NDUFB7: variants seen among roughly 807,000 people sequenced by gnomAD.
The protein encoded by NDUFB7 is NADH:ubiquinone oxidoreductase subunit B7.
NDUFB7 carries 18 observed loss-of-function variants against 14.7 expected under a neutral mutation model. The ratio of observed to expected loss-of-function variants is 1.22; its 90% CI spans 0.85 to 1.81. The LOEUF (loss-of-function observed/expected upper bound fraction) is 1.81, where lower values mean the gene tolerates loss of function less well. Ranked by LOEUF, NDUFB7 falls within the 40% of genes most tolerant of loss-of-function variation. The pLI, the probability that NDUFB7 is intolerant of heterozygous loss-of-function variation, is 0.00. For missense variants in NDUFB7, 219 were observed against 195.0 expected, an observed-to-expected ratio of 1.12 and a Z score of -0.73; for synonymous variants, 86 against 76.1, an observed-to-expected ratio of 1.13 and a Z score of -0.68.
At chr19:14,570,446 C>A (rs1222397889) in intron 1 of NDUFB7, among the ~76,000 whole-genome samples, 1 of 151,368 alleles carries the variant, frequency 6.6e-6, no homozygotes, top group Non-Finnish European at 1.5e-5. Flanking sequence ...GTGATCTGCC[C>A]GCCTCGGCCT....
At chr19:14,571,812 G>C in intron 1 of NDUFB7, 77 bp downstream of exon 1, 1 of 1,354,228 alleles carries the variant, frequency 7.4e-7, no homozygotes, top group Non-Finnish European at 1.0e-6. Context: ...CAGCCCTGGG[G>C]TGCCAGCCCT....
rs932256731 is a variant in NDUFB7, at chr19:14,566,341, G to A, written c.282-76C>T. On this transcript the variant is annotated intron_variant, in intron 2 of 2. Transcript: ENST00000215565. ...CCCCCAAGCCCTGGGAAGCGGAGGG[G>A]CCGTCCCAGAGCACTGTGGGGGAGG... The A allele has an allele frequency of 1.2e-4, 194 of 1,601,494 alleles. No homozygotes were observed. The African/African-American group carries it at 2.4e-3, about 19-fold the overall frequency.
intron 2 of NDUFB7, 120 bp from the exon 3 acceptor site, chr19:14,566,385 C>A: frequency 6.7e-7 from 1 of 1,499,962 alleles, no homozygotes; most frequent in South Asian, 1.2e-5. Flanking sequence ...GAAGACATGT[C>A]CGAGTGCCTG....
At chr19:14,571,603 A>C (rs200330926) in intron 1 of NDUFB7, among the ~76,000 whole-genome samples, 2 of 46,450 alleles carry the variant, frequency 4.3e-5, no homozygotes, top group Non-Finnish European at 9.2e-5. Flanking sequence ...GTCTCAAAAG[A>C]AAAAAAAAAA....
At position 14,569,292 on chromosome 19, in the gene NDUFB7, C is replaced by T. The variant is rs1037421218; in HGVS notation, c.113-2359G>A. On this transcript the variant is annotated intron_variant, in intron 1 of 2. Coordinates refer to ENST00000215565, the MANE Select transcript of NDUFB7 (RefSeq NM_004146.6). ...CCGGTCAGCAGGGACTGCAGGAATG[C>T]GCCACCACACCCAGCTAATTAAAAA... Among the ~76,000 whole-genome samples the T allele has an allele frequency of 5.3e-5, 8 of 151,912 alleles. No individual in the cohort carries two copies. In the South Asian group the frequency reaches 1.7e-3, roughly 32 times the overall value.
chr19:14,571,276 C>G (rs2074123631), intron 1 of NDUFB7, among the ~76,000 whole-genome samples: 1 of 152,186 alleles, frequency 6.6e-6, no homozygotes, highest in Non-Finnish European at 1.5e-5. Flanking sequence ...TGTCCCTGCC[C>G]TCCCATGACT....
intron 1 of NDUFB7, among the ~76,000 whole-genome samples, chr19:14,570,886 T>G (rs1404025813): frequency 2.0e-5 from 3 of 152,074 alleles, no homozygotes; most frequent in Non-Finnish European, 1.5e-5. Flanking sequence ...ATCCTGGGCG[T>G]AGTGGCTCAC....
intron 1 of NDUFB7, among the ~76,000 whole-genome samples, chr19:14,570,176 C>A (rs1010676454): frequency 1.3e-5 from 2 of 150,440 alleles, no homozygotes; most frequent in African/African-American, 4.9e-5. Flanking sequence ...GGATTACAGG[C>A]ATAAGCCACC....
At chr19:14,569,296 A>G in intron 1 of NDUFB7, among the ~76,000 whole-genome samples, 1 of 152,248 alleles carries the variant, frequency 6.6e-6, no homozygotes, top group South Asian at 2.1e-4. Flanking sequence ...GGAATGCGCC[A>G]CCACACCCAG....
At chr19:14,568,276 C>T (rs2074105039) in intron 1 of NDUFB7, among the ~76,000 whole-genome samples, 1 of 152,194 alleles carries the variant, frequency 6.6e-6, no homozygotes, top group Non-Finnish European at 1.5e-5. Context: ...AACTCCTGAC[C>T]TCAGGTGATC....
At chr19:14,568,411 C>T (rs975735262) in intron 1 of NDUFB7, among the ~76,000 whole-genome samples, 1 of 152,186 alleles carries the variant, frequency 6.6e-6, no homozygotes, top group African/African-American at 2.4e-5. Context: ...CCACCCCACA[C>T]CTCGCTTGAG....
Position 14,566,864 on chromosome 19 carries a change from TG to T in NDUFB7, c.181del (p.His61ThrfsTer36). On this transcript the variant is annotated frameshift_variant, in exon 2 of 3. Coordinates refer to ENST00000215565, the MANE Select transcript of NDUFB7 (RefSeq NM_004146.6). LOFTEE classifies it high-confidence loss of function. Reference protein sequence around the residue: ...LRLQLRDYCAHHLIRLLKCKR... With the variant: ...LRLQLRDYCAXHLIRLLKCKR... Reference sequence around the variant, plus strand: ...GCACTTGAGCAGCCGGATGAGGTGGTGGGCGCAGTAGTCCCGCAGCTGGAGC... The same window carrying T: ...GCACTTGAGCAGCCGGATGAGGTGGTGGCGCAGTAGTCCCGCAGCTGGAGC... 1 of 1,572,378 alleles carries T rather than the reference TG, an allele frequency of 6.4e-7. No homozygotes were observed. Among genetic ancestry groups the T allele is most frequent in the Non-Finnish European group, 8.6e-7 (1 of 1,161,506 alleles).
intron 1 of NDUFB7, among the ~76,000 whole-genome samples, chr19:14,570,071 TAGTAG>T (rs2074116491): frequency 1.3e-5 from 2 of 152,014 alleles, no homozygotes; most frequent in Admixed American, 6.6e-5. Flanking sequence ...TTTGTATTTT[TAGTAG>T]AGTAGAGACG....
In NDUFB7 at chr19:14,566,842, C is replaced by T. The variant is rs769258459; in HGVS notation, c.204G>A (p.Lys68=). The part of the protein sequence containing the change: ...YCAHHLIRLL[K]CKRDSFPNFL... ...AGTTGGGGAAGCTGTCACGCTTGCA[C>T]TTGAGCAGCCGGATGAGGTGGTGGG... Residue 68 remains lysine (K), a synonymous_variant, in exon 2 of 3, where the codon AAG becomes AAA. Coordinates refer to ENST00000215565, the MANE Select transcript of NDUFB7 (RefSeq NM_004146.6). 250 of 1,561,976 alleles carry T rather than the reference C, an allele frequency of 1.6e-4. 5 individuals carry two copies. The South Asian group carries it at 2.9e-3, about 18-fold the overall frequency.
Position 14,567,306 on chromosome 19 carries a change from C to T in NDUFB7, c.113-373G>A, listed in dbSNP as rs944352262. Among the ~76,000 whole-genome samples, 1 of 152,066 alleles carries T rather than the reference C, an allele frequency of 6.6e-6. No individual in the cohort carries two copies. The highest frequency in any genetic ancestry group is 2.4e-5 in the African/African-American group (1 of 41,400). ...AGAATCCACCTTCTCCCAGAGTAAC[C>T]CTCAGCCCCTCCACCTGCACCTGGG... On this transcript the variant is annotated intron_variant, in intron 1 of 2. Coordinates refer to ENST00000215565, the MANE Select transcript of NDUFB7 (RefSeq NM_004146.6). The surrounding 1 kb of genome is among the most constrained non-coding windows in gnomAD (Gnocchi z 5.1).
chr19:14,566,339 G>A, intron 2 of NDUFB7, 74 bp from the exon 3 acceptor site: 1 of 1,603,612 alleles, frequency 6.2e-7, no homozygotes, highest in Non-Finnish European at 8.5e-7. Flanking sequence ...GGAAGCGGAG[G>A]GGCCGTCCCA....
Position 14,566,688 on chromosome 19 carries a change from T to C in NDUFB7, c.281+77A>G, listed in dbSNP as rs575601118. Reference sequence around the variant, plus strand: ...GGGCTGGGCATGTGGGGGGCTTGGGTGGGCCAGGGGTGTGGAAGGCTGGGG... The same window carrying C: ...GGGCTGGGCATGTGGGGGGCTTGGGCGGGCCAGGGGTGTGGAAGGCTGGGG... On this transcript the variant is annotated intron_variant, in intron 2 of 2. Coordinates refer to ENST00000215565, the MANE Select transcript of NDUFB7 (RefSeq NM_004146.6). 65 of 926,740 alleles carry C rather than the reference T, an allele frequency of 7.0e-5. No individual in the cohort carries two copies. The African/African-American group carries it at 1.9e-3, about 27-fold the overall frequency. 57.4% of individuals were successfully genotyped at this position (926,740 alleles called of 1,614,324 possible). A position where few individuals can be genotyped will look rare whatever the true frequency, so the allele number is the denominator to read the frequency against.
At chr19:14,571,540 G>A (rs1479644075) in intron 1 of NDUFB7, among the ~76,000 whole-genome samples, 1 of 151,870 alleles carries the variant, frequency 6.6e-6, no homozygotes, top group East Asian at 1.9e-4. Flanking sequence ...GAGGCTGCCA[G>A]TGAATCGAGA....
chr19:14,571,972 AGGTAGC>A lies in NDUFB7; in HGVS notation c.23_28del (p.Arg8_Tyr9del), dbSNP rs1223525654. The stretch of plus-strand genomic sequence containing the variant: ...GTCGGGCTCCACCGAGGCATCGCCC[AGGTAGC>A]GCCGGACCAGGTGGGCCCCCATGGC... On this transcript the variant is annotated inframe_deletion, in exon 1 of 3. Coordinates refer to ENST00000215565, the MANE Select transcript of NDUFB7 (RefSeq NM_004146.6). The A allele has an allele frequency of 4.4e-6, 7 of 1,609,066 alleles. No homozygotes were observed. Among genetic ancestry groups the A allele is most frequent in the Non-Finnish European group, 5.9e-6 (7 of 1,178,242 alleles).
Sources: allele counts gnomAD v4.1 joint callset (sites outside exome capture counted in the v4.1 genomes callset), GRCh38; gene constraint gnomAD v4.1.1; non-coding constraint Gnocchi (gnomAD v3.1); transcripts MANE v1.5; gene names NCBI Gene and HGNC (gene_info 2026-07-23, HGNC 2026-07-21).